The following CDH12 variants were observed in gnomAD, a reference collection of about 807,000 sequenced individuals.
CDH12 encodes cadherin 12, also known as cadherin-12.
A neutral mutation model predicts 74.1 loss-of-function variants in CDH12; 41 were observed. The observed-to-expected ratio is 0.55, with a 90% CI of 0.43 to 0.72. The LOEUF is 0.72. Among genes scored for constraint, CDH12 ranks in the 30% least tolerant of loss-of-function variants. The pLI is 0.00. For synonymous variants in CDH12, 399 were observed against 355.0 expected (o/e 1.12, Z -1.39); for missense variants, 945 against 977.2 (o/e 0.97, Z 0.44).
chr5:22,172,034 T>A (rs996449147), intron 4 of CDH12, among the ~76,000 whole-genome samples: 2 of 151,938 alleles, frequency 1.3e-5, no homozygotes, highest in African/African-American at 4.8e-5. Context: ...AAGTTCATTG[T>A]GATTTTGAAT....
chr5:22,078,907 A>T (rs991360010), intron 4 of CDH12, 45 bp from the exon 5 acceptor site: 1 of 1,058,414 alleles, frequency 9.4e-7, no homozygotes, highest in African/African-American at 1.6e-5. Context: ...ATGAAATTGC[A>T]TGATGATATT....
rs537953515 is a variant in CDH12, at chr5:22,564,656, ATTAC to A, written c.-522-59296_-522-59293del. On this transcript the variant is annotated intron_variant, in intron 1 of 14. Transcript: ENST00000382254. ...TATTTTGATTTTTGATTTGTTTTCT[ATTAC>A]TTACATAGATCTAATTACTCTAGAT... Among the ~76,000 whole-genome samples, 95 of 151,954 alleles carry A rather than the reference ATTAC, an allele frequency of 6.3e-4. No individual in the cohort carries two copies. In the South Asian group the frequency reaches 0.015, roughly 25 times the overall value.
chr5:22,613,164 C>A (rs1737498936), intron 1 of CDH12, among the ~76,000 whole-genome samples: 1 of 151,828 alleles, frequency 6.6e-6, no homozygotes, highest in Admixed American at 6.6e-5. Context: ...TGAACCTCTG[C>A]AAATAGGAGA....
chr5:22,520,991 CTT>C (rs35764441), intron 1 of CDH12, among the ~76,000 whole-genome samples: 12 of 145,088 alleles, frequency 8.3e-5, no homozygotes, highest in Admixed American at 1.4e-4. Flanking sequence ...TTCTTTCTTT[CTT>C]TTTTTTTTTG....
chr5:22,102,028 T>C (rs1311570802), intron 4 of CDH12, among the ~76,000 whole-genome samples: 1 of 152,182 alleles, frequency 6.6e-6, no homozygotes, highest in Non-Finnish European at 1.5e-5. Flanking sequence ...GGCCATAGAT[T>C]GCTGACCTCT....
chr5:22,193,988 T>C (rs1470138284), intron 4 of CDH12, among the ~76,000 whole-genome samples: 2 of 152,144 alleles, frequency 1.3e-5, no homozygotes, highest in Non-Finnish European at 2.9e-5. Flanking sequence ...AAGTGGACAT[T>C]ATCATAGCCA....
chr5:22,205,203 A>G (rs1261509463), intron 4 of CDH12, among the ~76,000 whole-genome samples: 2 of 152,230 alleles, frequency 1.3e-5, no homozygotes, highest in Non-Finnish European at 2.9e-5. Flanking sequence ...ATTAATTTGG[A>G]ATATTCACTC....
chr5:22,426,300 G>T (rs1296897203), intron 2 of CDH12, among the ~76,000 whole-genome samples: 2 of 148,950 alleles, frequency 1.3e-5, no homozygotes, highest in Non-Finnish European at 3.0e-5. Flanking sequence ...ATATTGTTGT[G>T]TTTTATTTTA....
intron 1 of CDH12, among the ~76,000 whole-genome samples, chr5:22,523,878 T>C (rs2126689951): frequency 6.6e-6 from 1 of 152,270 alleles, no homozygotes; most frequent in South Asian, 2.1e-4. Context: ...CAGATCTCAT[T>C]AGATTGACTC....
chr5:22,602,180 A>C (rs187499781), intron 1 of CDH12, among the ~76,000 whole-genome samples: 19 of 152,202 alleles, frequency 1.2e-4, no homozygotes, highest in Admixed American at 8.5e-4. Context: ...AATTCTGTAA[A>C]AGGGCGAGAC....
intron 12 of CDH12, among the ~76,000 whole-genome samples, chr5:21,762,628 T>C (rs1300241234): frequency 6.6e-6 from 1 of 152,114 alleles, no homozygotes; most frequent in Admixed American, 6.6e-5. Flanking sequence ...CCCATAAATA[T>C]ATTTTAGAAT....
intron 2 of CDH12, among the ~76,000 whole-genome samples, chr5:22,414,150 C>T (rs536436053): frequency 6.6e-6 from 1 of 151,946 alleles, no homozygotes; most frequent in South Asian, 2.1e-4. Context: ...GGCAAGAATA[C>T]CTAGAATTAA....
intron 1 of CDH12, among the ~76,000 whole-genome samples, chr5:22,769,787 T>C (rs1231722885): frequency 6.6e-6 from 1 of 152,110 alleles, no homozygotes; most frequent in Non-Finnish European, 1.5e-5. Flanking sequence ...AATAGTATTT[T>C]CTTATGATAT....
chr5:22,347,472 T>G (rs943354288), intron 3 of CDH12, among the ~76,000 whole-genome samples: 5 of 152,176 alleles, frequency 3.3e-5, no homozygotes, highest in Non-Finnish European at 5.9e-5. Flanking sequence ...AGCCACAGAC[T>G]GAAGACCGCA....
At chr5:22,605,400 C>T (rs981160684) in intron 1 of CDH12, among the ~76,000 whole-genome samples, 10 of 152,184 alleles carry the variant, frequency 6.6e-5, no homozygotes, top group Admixed American at 6.5e-4. Context: ...TCATGAGAGG[C>T]AGAGAAGGAA....
chr5:22,401,954 C>T (rs1742747089), intron 3 of CDH12, among the ~76,000 whole-genome samples: 1 of 152,164 alleles, frequency 6.6e-6, no homozygotes, highest in African/African-American at 2.4e-5. Context: ...AGGCACTGAA[C>T]AGACTCTCTG....
chr5:22,480,458 C>T (rs1746343001), intron 2 of CDH12, among the ~76,000 whole-genome samples: 2 of 151,720 alleles, frequency 1.3e-5, no homozygotes, highest in African/African-American at 2.4e-5. Context: ...GTGGTGCATG[C>T]CTGTGGTCCC....
intron 11 of CDH12, among the ~76,000 whole-genome samples, chr5:21,770,787 A>G (rs920159818): frequency 3.3e-5 from 5 of 152,174 alleles, no homozygotes; most frequent in African/African-American, 4.8e-5. Context: ...ACTATTCACA[A>G]TAGCAAAGAC....
chr5:22,131,391 T>C (rs1311176216), intron 4 of CDH12, among the ~76,000 whole-genome samples: 5 of 152,076 alleles, frequency 3.3e-5, no homozygotes, highest in Non-Finnish European at 7.4e-5. Context: ...TCTCTGACCA[T>C]AGTCCTAACC....
Sources: gnomAD v4.1 joint callset for allele counts (sites outside exome capture counted in the v4.1 genomes callset) on GRCh38, gnomAD v4.1.1 for gene constraint, MANE v1.5 for transcripts, NCBI Gene and HGNC (gene_info 2026-07-23, HGNC 2026-07-21) for gene names.